EXOC2: variants seen among roughly 807,000 people sequenced by gnomAD.
The protein encoded by EXOC2 is exocyst complex component 2.
A neutral mutation model predicts 131.8 loss-of-function variants in EXOC2; 70 were observed. The ratio of observed to expected loss-of-function variants is 0.53; its 90% CI spans 0.44 to 0.65. The LOEUF (loss-of-function observed/expected upper bound fraction) is 0.65. EXOC2 is among the 30% of genes least tolerant of loss of function. EXOC2 has a pLI of 0.00. For synonymous variants in EXOC2, 411 were observed against 398.4 expected, an observed-to-expected ratio of 1.03 and a Z score of -0.38; for missense variants, 923 against 1,108.6, an observed-to-expected ratio of 0.83 and a Z score of 2.38.
chr6:586,364 C>T (rs1382238569), intron 11 of EXOC2, among the ~76,000 whole-genome samples: 1 of 152,188 alleles, frequency 6.6e-6, no homozygotes, highest in Non-Finnish European at 1.5e-5. Flanking sequence ...CTTACATTTC[C>T]CAGGATCCCT....
chr6:664,448 C>T (rs1763550731), intron 1 of EXOC2, among the ~76,000 whole-genome samples: 2 of 152,136 alleles, frequency 1.3e-5, no homozygotes, highest in Admixed American at 1.3e-4. Context: ...TTCTAAAATT[C>T]ATATGAAACC....
chr6:610,259 C>G (rs1760647859), intron 6 of EXOC2, 81 bp from the exon 7 acceptor site: 1 of 1,227,432 alleles, frequency 8.1e-7, no homozygotes, highest in Non-Finnish European at 1.2e-6. Context: ...TTTTAAACAG[C>G]TTTTTAAAAT....
At chr6:678,070 A>G (rs1407966825) in intron 1 of EXOC2, among the ~76,000 whole-genome samples, 1 of 152,250 alleles carries the variant, frequency 6.6e-6, no homozygotes, top group East Asian at 1.9e-4. Context: ...TGAGCACGCA[A>G]TGAGAGATGC....
chr6:564,801 C>T (rs1757885401), intron 14 of EXOC2, 63 bp downstream of exon 14: 1 of 1,584,150 alleles, frequency 6.3e-7, no homozygotes, highest in Non-Finnish European at 8.6e-7. Context: ...GTCTTGAATA[C>T]AAAGTGAGAA....
chr6:612,895 G>T (rs1395265294), intron 6 of EXOC2, among the ~76,000 whole-genome samples: 1 of 152,182 alleles, frequency 6.6e-6, no homozygotes, highest in Non-Finnish European at 1.5e-5. Flanking sequence ...TGATAATGCT[G>T]GACTTGCCGC....
rs1420471361 is a variant in EXOC2, at chr6:654,713, AGGATCGTTTGAGCTCAGAAGTTT to A, written c.-43-16875_-43-16853del. The stretch of plus-strand genomic sequence containing the variant: ...CAGCTACAGGGGAGGCTGTGGCAGG[AGGATCGTTTGAGCTCAGAAGTTT>A]GAAGCTGCAGTGAGCCATGATTGTA... On this transcript the variant is annotated intron_variant, in intron 1 of 27. Coordinates refer to ENST00000230449, the MANE Select transcript of EXOC2 (RefSeq NM_018303.6). Among the ~76,000 whole-genome samples, 6 of 143,726 alleles carry A rather than the reference AGGATCGTTTGAGCTCAGAAGTTT, an allele frequency of 4.2e-5. No homozygotes were observed. The East Asian group carries it at 1.3e-3, about 32-fold the overall frequency. 94.3% of individuals were successfully genotyped at this position (143,726 alleles called of 152,430 possible).
At chr6:555,000 A>T (rs1298942451) in intron 20 of EXOC2, among the ~76,000 whole-genome samples, 2 of 152,226 alleles carry the variant, frequency 1.3e-5, no homozygotes, top group African/African-American at 4.8e-5. Flanking sequence ...TTAATAAGCT[A>T]ATCATGTCTT....
At chr6:556,042 T>G in intron 18 of EXOC2, 29 bp from the exon 19 acceptor site, 1 of 1,609,176 alleles carries the variant, frequency 6.2e-7, no homozygotes, top group Non-Finnish European at 8.5e-7. Context: ...ATGAAAATTT[T>G]TGGACTTTGC....
chr6:632,320 G>T (rs1178644786), intron 3 of EXOC2, among the ~76,000 whole-genome samples: 1 of 152,202 alleles, frequency 6.6e-6, no homozygotes, highest in Non-Finnish European at 1.5e-5. Context: ...GTCCAGGTTA[G>T]AATTCAAAGA....
chr6:531,541 C>T (rs1766086804), intron 23 of EXOC2, among the ~76,000 whole-genome samples: 1 of 147,924 alleles, frequency 6.8e-6, no homozygotes, highest in Non-Finnish European at 1.5e-5. Context: ...TTTTAGTTTA[C>T]ACTTTTGGCA....
intron 26 of EXOC2, among the ~76,000 whole-genome samples, chr6:489,931 C>T (rs865866407): frequency 1.3e-5 from 2 of 152,220 alleles, no homozygotes; most frequent in Non-Finnish European, 2.9e-5. Flanking sequence ...TGGGCATCTC[C>T]AGCTGCTCCC....
intron 25 of EXOC2, among the ~76,000 whole-genome samples, chr6:493,454 T>C (rs1353435004): frequency 6.6e-6 from 1 of 152,246 alleles, no homozygotes; most frequent in Non-Finnish European, 1.5e-5. Flanking sequence ...ACCAATCTTC[T>C]GGTAGAAATT....
chr6:516,410 C>T (rs1411068330), intron 23 of EXOC2, among the ~76,000 whole-genome samples: 2 of 152,228 alleles, frequency 1.3e-5, no homozygotes, highest in African/African-American at 4.8e-5. Context: ...TCGTCTAGCT[C>T]CATCACTGCA....
chr6:532,927 G>C (rs1054772409), intron 22 of EXOC2, among the ~76,000 whole-genome samples: 2 of 152,070 alleles, frequency 1.3e-5, no homozygotes, highest in Non-Finnish European at 2.9e-5. Flanking sequence ...TGCATGGCTG[G>C]GGAGCCCTCA....
intron 13 of EXOC2, among the ~76,000 whole-genome samples, chr6:570,106 AATCC>A (rs1758184970): frequency 6.6e-6 from 1 of 151,770 alleles, no homozygotes; most frequent in South Asian, 2.1e-4. Flanking sequence ...TACGGCTTAA[AATCC>A]ATGTCCTAAA....
intron 10 of EXOC2, among the ~76,000 whole-genome samples, chr6:595,208 G>A (rs2127633491): frequency 6.6e-6 from 1 of 152,070 alleles, no homozygotes; most frequent in East Asian, 1.9e-4. Context: ...TGAACAGTAA[G>A]ACAATATAGT....
rs148155922 is a variant in EXOC2 at position 486,313 on chromosome 6, G to C, written c.*358C>G. The C allele has an allele frequency of 2.6e-5, 5 of 190,946 alleles. No individual in the cohort carries two copies. In the South Asian group the frequency reaches 5.2e-4, roughly 20 times the overall value. The allele number at this position is 190,946 out of a possible 1,614,324, so 11.8% of individuals were successfully genotyped here. ...TGTCGTGGGAGCTGCCTGCGCTTCC[G>C]TGAACGGGACACTGAGAAATGCTTC... On this transcript the variant is annotated 3_prime_UTR_variant, in exon 28 of 28. Transcript: ENST00000230449.
chr6:549,918 G>T (rs1757056593), intron 21 of EXOC2, among the ~76,000 whole-genome samples: 1 of 152,230 alleles, frequency 6.6e-6, no homozygotes, highest in Non-Finnish European at 1.5e-5. Flanking sequence ...TTGCCAAGAG[G>T]AAGGGGTACA....
At chr6:554,737 A>AC (rs398039854) in intron 20 of EXOC2, among the ~76,000 whole-genome samples, 2 of 151,952 alleles carry the variant, frequency 1.3e-5, no homozygotes, top group Non-Finnish European at 1.5e-5. Context: ...TAAAAAAAAA[A>AC]CCAGCACTTT....
Sources: gnomAD v4.1 joint callset for allele counts (sites outside exome capture counted in the v4.1 genomes callset) on GRCh38, gnomAD v4.1.1 for gene constraint, MANE v1.5 for transcripts, NCBI Gene and HGNC (gene_info 2026-07-23, HGNC 2026-07-21) for gene names.